Variants in AMPH observed in about 807,000 individuals in gnomAD.
AMPH encodes amphiphysin.
In AMPH, 49 loss-of-function variants were observed where a neutral mutation model predicts 99.1. The ratio of observed to expected loss-of-function variants is 0.49; its 90% CI spans 0.39 to 0.63. AMPH has a LOEUF of 0.63. AMPH is among the 20% of genes least tolerant of loss of function. The pLI is 0.00. For missense variants in AMPH, 759 were observed against 863.4 expected (o/e 0.88, Z 1.52); for synonymous variants, 314 against 317.3 (o/e 0.99, Z 0.11).
At chr7:38,486,716 A>G (rs770958887) in intron 5 of AMPH, among the ~76,000 whole-genome samples, 7 of 152,134 alleles carry the variant, frequency 4.6e-5, no homozygotes, top group Admixed American at 1.3e-4. Context: ...GCAGATCAAA[A>G]GGATCACCCA....
intron 19 of AMPH, among the ~76,000 whole-genome samples, chr7:38,390,532 T>C (rs1784458052): frequency 6.6e-6 from 1 of 152,220 alleles, no homozygotes; most frequent in Non-Finnish European, 1.5e-5. Context: ...TGGCTGATTT[T>C]ATTTTTCCCA....
intron 5 of AMPH, among the ~76,000 whole-genome samples, chr7:38,484,701 T>TTG (rs1421049132): frequency 2.0e-5 from 3 of 151,872 alleles, no homozygotes; most frequent in Non-Finnish European, 2.9e-5. Context: ...ACAGAATACT[T>TTG]TATTACTGTA....
chr7:38,610,980 G>C (rs367882848), intron 1 of AMPH, among the ~76,000 whole-genome samples: 29 of 152,212 alleles, frequency 1.9e-4, no homozygotes, highest in African/African-American at 7.0e-4. Flanking sequence ...TTATCCAAAA[G>C]AACTGAAAAC....
At chr7:38,506,307 A>G (rs1301806892) in intron 2 of AMPH, among the ~76,000 whole-genome samples, 4 of 152,228 alleles carry the variant, frequency 2.6e-5, no homozygotes, top group Admixed American at 1.3e-4. Context: ...AAAAAGCCCA[A>G]TAGAATTAGT....
chr7:38,472,600 GT>G (rs1787925080), intron 7 of AMPH, among the ~76,000 whole-genome samples: 2 of 152,204 alleles, frequency 1.3e-5, no homozygotes, highest in South Asian at 4.1e-4. Context: ...ATGATCTTTG[GT>G]ATACAGCATA....
intron 1 of AMPH, among the ~76,000 whole-genome samples, chr7:38,544,842 T>A (rs2129044088): frequency 6.6e-6 from 1 of 152,318 alleles, no homozygotes; most frequent in South Asian, 2.1e-4. Flanking sequence ...TGACTTCATA[T>A]CTTCACTTTA....
At chr7:38,425,877 G>A (rs368748371) in intron 15 of AMPH, among the ~76,000 whole-genome samples, 6 of 152,154 alleles carry the variant, frequency 3.9e-5, no homozygotes, top group East Asian at 3.9e-4. Flanking sequence ...TATAAAAGTT[G>A]TTACTTTTAA....
chr7:38,444,680 T>C (rs1352710562), intron 11 of AMPH, among the ~76,000 whole-genome samples: 1 of 152,078 alleles, frequency 6.6e-6, no homozygotes, highest in Non-Finnish European at 1.5e-5. Flanking sequence ...CTCAGACATC[T>C]AGCAGCCAAA....
At chr7:38,497,995 T>TGA (rs1398583094) in intron 3 of AMPH, among the ~76,000 whole-genome samples, 8 of 152,230 alleles carry the variant, frequency 5.3e-5, no homozygotes, top group African/African-American at 1.7e-4. Context: ...TGCATGCCAG[T>TGA]GACTCCCAAT....
intron 2 of AMPH, among the ~76,000 whole-genome samples, chr7:38,534,451 T>G (rs1790524278): frequency 6.6e-6 from 1 of 152,128 alleles, no homozygotes; most frequent in African/African-American, 2.4e-5. Flanking sequence ...GGTGGGTGGA[T>G]CGCTCGAGTC....
chr7:38,532,223 A>G (rs919191011), intron 2 of AMPH, among the ~76,000 whole-genome samples: 1 of 152,044 alleles, frequency 6.6e-6, no homozygotes, highest in African/African-American at 2.4e-5. Context: ...TAATATACAA[A>G]CAGGGGTAAG....
In AMPH at chr7:38,417,813, G is replaced by C. The variant is rs1785436222; in HGVS notation, c.1398+12C>G. The C allele has an allele frequency of 6.2e-7, 1 of 1,613,488 alleles. No homozygotes were observed. Among genetic ancestry groups the C allele is most frequent in the Non-Finnish European group, 8.5e-7 (1 of 1,179,742 alleles). On this transcript the variant is annotated intron_variant, in intron 17 of 20. Transcript: ENST00000356264. ...CGAGGCAGATGGAGGGTGAGAGGGA[G>C]GTGGTGCTCACCACTGCCTCCTCCA... is the stretch of plus-strand genomic sequence containing the variant.
At chr7:38,431,386 A>G (rs900298782) in intron 13 of AMPH, among the ~76,000 whole-genome samples, 1 of 152,194 alleles carries the variant, frequency 6.6e-6, no homozygotes, top group African/African-American at 2.4e-5. Context: ...GGCTGGCCGC[A>G]GTGGCTCACA....
intron 16 of AMPH, among the ~76,000 whole-genome samples, chr7:38,421,817 A>AC (rs1345626685): frequency 6.6e-6 from 1 of 152,158 alleles, no homozygotes; most frequent in Non-Finnish European, 1.5e-5. Flanking sequence ...ATTCATCTTT[A>AC]CTAGTAAGCT....
chr7:38,434,428 T>C (rs917103371), intron 12 of AMPH, among the ~76,000 whole-genome samples: 4 of 152,104 alleles, frequency 2.6e-5, no homozygotes, highest in African/African-American at 7.2e-5. Context: ...TGCAGAAACT[T>C]TGCATCTGCC....
chr7:38,501,891 ATATGACAG>A (rs1220668707), intron 3 of AMPH, among the ~76,000 whole-genome samples: 9 of 152,288 alleles, frequency 5.9e-5, no homozygotes, highest in African/African-American at 2.2e-4. Context: ...CCAATTCTAA[ATATGACAG>A]TATTTTATTT....
At chr7:38,437,807 C>T (rs202136919) in intron 11 of AMPH, among the ~76,000 whole-genome samples, 2 of 151,006 alleles carry the variant, frequency 1.3e-5, no homozygotes, top group Admixed American at 6.6e-5. Context: ...CCATTCCCCC[C>T]CAAAAATAAA....
chr7:38,588,655 C>G (rs55651024), intron 1 of AMPH, among the ~76,000 whole-genome samples: 11,337 of 152,068 alleles, frequency 0.075, 582 homozygotes, highest in East Asian at 0.25. Flanking sequence ...ACCTAACCAA[C>G]TCTCCAATTA....
chr7:38,563,680 T>C (rs1348315157), intron 1 of AMPH, among the ~76,000 whole-genome samples: 1 of 152,214 alleles, frequency 6.6e-6, no homozygotes, highest in Non-Finnish European at 1.5e-5. Context: ...AAATGAATCA[T>C]ATTTGAAAAC....
Sources: allele counts gnomAD v4.1 joint callset (sites outside exome capture counted in the v4.1 genomes callset), GRCh38; gene constraint gnomAD v4.1.1; transcripts MANE v1.5; gene names NCBI Gene and HGNC (gene_info 2026-07-23, HGNC 2026-07-21).